The following PDE4B variants were observed in gnomAD, a reference collection of about 807,000 sequenced individuals.
The protein encoded by PDE4B is 3',5'-cyclic-AMP phosphodiesterase 4B.
A neutral mutation model predicts 82.2 loss-of-function variants in PDE4B; 20 were observed. The ratio of observed to expected loss-of-function variants is 0.24; its 90% confidence interval spans 0.17 to 0.35. The LOEUF (loss-of-function observed/expected upper bound fraction) is 0.35, where lower values mean the gene tolerates loss of function less well. Ranked by LOEUF, PDE4B falls within the 10% of genes least tolerant of loss-of-function variation. The probability of loss-of-function intolerance (pLI) is 1.00; values close to 1 mark genes in which losing one functional copy is unlikely to be tolerated. For missense variants in PDE4B, 655 were observed against 907.2 expected, an observed-to-expected ratio of 0.72 and a Z score of 3.57; for synonymous variants, 320 against 318.9, an observed-to-expected ratio of 1.00 and a Z score of -0.04.
At chr1:66,011,943 G>A (rs77034801) in intron 3 of PDE4B, among the ~76,000 whole-genome samples, 6,113 of 152,078 alleles carry the variant, frequency 0.04, 483 homozygotes, top group East Asian at 0.36. Flanking sequence ...TTCTAGGTTA[G>A]CCTAGTTAAA....
intron 7 of PDE4B, among the ~76,000 whole-genome samples, chr1:66,288,067 G>A (rs888313224): frequency 3.9e-5 from 6 of 151,984 alleles, no homozygotes; most frequent in Non-Finnish European, 7.4e-5. Flanking sequence ...AAGAGGTTTC[G>A]TTGACTCACA....
In PDE4B at chr1:66,049,008, T is replaced by C. The variant is rs185998973; in HGVS notation, c.281+130173T>C. ...CTACTATGATTTATCCAGTAATGCA[T>C]TGGCCCCCGGAACTTGGTGCTTTTA... On this transcript the variant is annotated intron_variant, in intron 3 of 16. Coordinates refer to ENST00000341517, the MANE Select transcript of PDE4B (RefSeq NM_002600.4). 10 of 152,164 alleles carry C rather than the reference T, an allele frequency of 6.6e-5. No individual in the cohort carries two copies. The East Asian group carries it at 1.9e-3, about 29-fold the overall frequency. The allele number at this position is 152,164 out of a possible 1,614,324, so 9.4% of individuals were successfully genotyped here.
chr1:65,980,021 G>C (rs1349635812), intron 3 of PDE4B, among the ~76,000 whole-genome samples: 1 of 152,086 alleles, frequency 6.6e-6, no homozygotes, highest in Admixed American at 6.6e-5. Context: ...ACCATAGAAA[G>C]ATCTAGAGAG....
intron 3 of PDE4B, among the ~76,000 whole-genome samples, chr1:66,228,647 G>T (rs556146759): frequency 2.0e-5 from 3 of 149,550 alleles, no homozygotes; most frequent in Admixed American, 2.0e-4. Flanking sequence ...AAAAAAACAT[G>T]CTATAGTGAC....
At chr1:65,954,748 A>G (rs940617781) in intron 3 of PDE4B, among the ~76,000 whole-genome samples, 4 of 152,122 alleles carry the variant, frequency 2.6e-5, no homozygotes, top group African/African-American at 9.7e-5. Context: ...CTATTTCTAA[A>G]TAAGAATGAC....
chr1:66,232,885 C>A (rs1353346413), intron 3 of PDE4B, among the ~76,000 whole-genome samples: 1 of 152,144 alleles, frequency 6.6e-6, no homozygotes, highest in African/African-American at 2.4e-5. Flanking sequence ...GCAATAAAGA[C>A]AACTTGTTAG....
At chr1:66,046,809 T>G (rs1197118677) in intron 3 of PDE4B, among the ~76,000 whole-genome samples, 1 of 151,870 alleles carries the variant, frequency 6.6e-6, no homozygotes, top group Non-Finnish European at 1.5e-5. Context: ...CCCCCTCTGC[T>G]ATTCACTCTT....
intron 3 of PDE4B, among the ~76,000 whole-genome samples, chr1:66,128,466 C>T (rs150056911): frequency 6.6e-6 from 1 of 152,266 alleles, no homozygotes; most frequent in African/African-American, 2.4e-5. Flanking sequence ...CATTAGGTTG[C>T]ATTTATATCG....
intron 3 of PDE4B, among the ~76,000 whole-genome samples, chr1:66,201,093 A>G (rs990673697): frequency 1.1e-4 from 17 of 152,298 alleles, no homozygotes; most frequent in Non-Finnish European, 1.8e-4. Context: ...TTCTGCATCT[A>G]TTGAGATAAT....
At chr1:65,795,576 G>A (rs1265398162) in intron 1 of PDE4B, among the ~76,000 whole-genome samples, 1 of 152,204 alleles carries the variant, frequency 6.6e-6, no homozygotes, top group African/African-American at 2.4e-5. Flanking sequence ...ACTCTTCAGG[G>A]ATTGCCTGAG....
At chr1:65,875,514 C>T (rs1327553049) in intron 1 of PDE4B, among the ~76,000 whole-genome samples, 12 of 144,388 alleles carry the variant, frequency 8.3e-5, no homozygotes, top group South Asian at 4.9e-4. Context: ...ATGTTTATTG[C>T]GGCATTATTC....
intron 7 of PDE4B, among the ~76,000 whole-genome samples, chr1:66,290,868 G>A (rs17460284): frequency 6.6e-6 from 1 of 152,108 alleles, no homozygotes; most frequent in Non-Finnish European, 1.5e-5. Context: ...AATATCTAGA[G>A]TGAACTACAA....
intron 7 of PDE4B, among the ~76,000 whole-genome samples, chr1:66,300,471 C>G (rs1243983223): frequency 1.3e-5 from 2 of 152,092 alleles, no homozygotes; most frequent in East Asian, 1.9e-4. Context: ...GTTGATTTAT[C>G]CAGCCTTCTC....
chr1:66,262,558 T>G (rs1654761908), intron 6 of PDE4B, among the ~76,000 whole-genome samples: 1 of 152,372 alleles, frequency 6.6e-6, no homozygotes, highest in African/African-American at 2.4e-5. Flanking sequence ...ACGTAACTTC[T>G]TATGATTCTT....
intron 3 of PDE4B, among the ~76,000 whole-genome samples, chr1:66,052,495 C>T (rs959753402): frequency 6.6e-6 from 1 of 151,868 alleles, no homozygotes; most frequent in Non-Finnish European, 1.5e-5. Flanking sequence ...CAAGGCCATG[C>T]CAGGGCTTAG....
chr1:65,823,555 C>T (rs140394939), intron 1 of PDE4B, among the ~76,000 whole-genome samples: 3 of 152,216 alleles, frequency 2.0e-5, no homozygotes, highest in Non-Finnish European at 4.4e-5. Flanking sequence ...AACGTCTCAT[C>T]TGTTTGCAGT....
intron 3 of PDE4B, among the ~76,000 whole-genome samples, chr1:66,065,863 C>T (rs966410534): frequency 3.3e-5 from 5 of 151,724 alleles, no homozygotes; most frequent in East Asian, 3.9e-4. Context: ...GTACGCTTAC[C>T]GAGTTCATAA....
chr1:66,038,232 G>C (rs188521099), intron 3 of PDE4B, among the ~76,000 whole-genome samples: 1 of 152,208 alleles, frequency 6.6e-6, no homozygotes, highest in East Asian at 1.9e-4. Flanking sequence ...CATTATACTA[G>C]GTTTTGGGAT....
At chr1:66,091,538 G>T (rs535953603) in intron 3 of PDE4B, among the ~76,000 whole-genome samples, 8 of 152,138 alleles carry the variant, frequency 5.3e-5, no homozygotes, top group African/African-American at 1.9e-4. Flanking sequence ...TTATATGCCT[G>T]ATCTTAATTT....
Sources: gnomAD v4.1 joint callset for allele counts (sites outside exome capture counted in the v4.1 genomes callset) on GRCh38, gnomAD v4.1.1 for gene constraint, MANE v1.5 for transcripts, NCBI Gene and HGNC (gene_info 2026-07-23, HGNC 2026-07-21) for gene names.